CCDC85A: variants seen among roughly 807,000 people sequenced by gnomAD.
CCDC85A encodes the protein coiled-coil domain-containing protein 85A.
Under a neutral mutation model 50.2 loss-of-function variants are expected in CCDC85A, and 38 were observed. The observed-to-expected ratio is 0.76, with a 90% CI of 0.58 to 0.99. The LOEUF (loss-of-function observed/expected upper bound fraction) is 0.99. CCDC85A is among the 50% of genes least tolerant of loss of function. The pLI is 0.00. For synonymous variants in CCDC85A, 366 were observed against 301.4 expected, an observed-to-expected ratio of 1.21 and a Z score of -2.22; for missense variants, 820 against 742.0, an observed-to-expected ratio of 1.11 and a Z score of -1.22.
chr2:56,222,130 A>G (rs1178513344), intron 2 of CCDC85A, among the ~76,000 whole-genome samples: 2 of 152,122 alleles, frequency 1.3e-5, no homozygotes, highest in East Asian at 1.9e-4. Flanking sequence ...TTCCCAACAC[A>G]TGAACTATGG....
At chr2:56,207,470 A>C (rs1457842187) in intron 2 of CCDC85A, among the ~76,000 whole-genome samples, 3 of 152,172 alleles carry the variant, frequency 2.0e-5, no homozygotes, top group African/African-American at 7.2e-5. Context: ...ACACCAAAAG[A>C]AGCAAACATT....
intron 2 of CCDC85A, among the ~76,000 whole-genome samples, chr2:56,289,059 G>T (rs1252648001): frequency 3.9e-5 from 6 of 152,140 alleles, no homozygotes; most frequent in Non-Finnish European, 7.4e-5. Flanking sequence ...TGCTGACCCG[G>T]GTTCCAGGGT....
In CCDC85A at chr2:56,307,347, CTG is replaced by C. The variant is rs575644178; in HGVS notation, c.1241-35528_1241-35527del. ...CATATATGCTTTTTTTAAAAAAAAACTGTGTTCAAGTCCCAGTACAATCAGGT... is the reference window on the plus strand; with the variant it reads ...CATATATGCTTTTTTTAAAAAAAAACTGTTCAAGTCCCAGTACAATCAGGT... On this transcript the variant is annotated intron_variant, in intron 2 of 5. Coordinates refer to ENST00000407595, the MANE Select transcript of CCDC85A (RefSeq NM_001080433.2). Among the ~76,000 whole-genome samples, 62 of 151,776 alleles carry C rather than the reference CTG, an allele frequency of 4.1e-4. 1 individual carries two copies. Among genetic ancestry groups the C allele is most frequent in the Admixed American group, 9.2e-4 (14 of 15,232 alleles).
Position 56,386,046 on chromosome 2 carries a change from C to G in CCDC85A, c.*1691C>G, listed in dbSNP as rs1676804846. 6.6e-6 allele frequency: 1 copy of G among 152,146 alleles called. No individual in the cohort carries two copies. Among genetic ancestry groups the G allele is most frequent in the Admixed American group, 6.6e-5 (1 of 15,190 alleles). The allele number at this position is 152,146 out of a possible 1,614,324, so 9.4% of individuals were successfully genotyped here. On this transcript the variant is annotated 3_prime_UTR_variant, in exon 6 of 6. Transcript: ENST00000407595. ...AGAAGCTAATACAAGGGACACTGGT[C>G]TTTTGACAAAATAAACTTGTGTAAA...
intron 2 of CCDC85A, among the ~76,000 whole-genome samples, chr2:56,275,902 T>A (rs2104082084): frequency 6.6e-6 from 1 of 152,270 alleles, no homozygotes; most frequent in East Asian, 1.9e-4. Flanking sequence ...TGACCTTTTG[T>A]TTTGGTATTT....
chr2:56,319,918 C>T (rs1673091791), intron 2 of CCDC85A, among the ~76,000 whole-genome samples: 1 of 152,122 alleles, frequency 6.6e-6, no homozygotes, highest in Admixed American at 6.6e-5. Flanking sequence ...TGTAAAAGAA[C>T]AGAAATTATA....
At chr2:56,291,168 T>A (rs1671686693) in intron 2 of CCDC85A, among the ~76,000 whole-genome samples, 1 of 152,214 alleles carries the variant, frequency 6.6e-6, no homozygotes, top group Non-Finnish European at 1.5e-5. Context: ...ACACGTAGAA[T>A]AATGAGAGAA....
chr2:56,306,173 A>C (rs1010777486), intron 2 of CCDC85A, among the ~76,000 whole-genome samples: 2 of 152,098 alleles, frequency 1.3e-5, no homozygotes, highest in Admixed American at 6.6e-5. Flanking sequence ...CTTGTCGCCC[A>C]GGCTGGAGTG....
intron 2 of CCDC85A, among the ~76,000 whole-genome samples, chr2:56,307,974 T>A (rs542976050): frequency 6.6e-6 from 1 of 152,190 alleles, no homozygotes; most frequent in Non-Finnish European, 1.5e-5. Context: ...AGTAAACACT[T>A]AAGTGTCTTT....
At chr2:56,353,187 A>T (rs913380118) in intron 3 of CCDC85A, among the ~76,000 whole-genome samples, 2 of 152,216 alleles carry the variant, frequency 1.3e-5, no homozygotes, top group African/African-American at 4.8e-5. Flanking sequence ...ACAGTCATGG[A>T]CATGTATGTT....
At chr2:56,243,029 G>T (rs1304177959) in intron 2 of CCDC85A, among the ~76,000 whole-genome samples, 2 of 150,306 alleles carry the variant, frequency 1.3e-5, no homozygotes, top group African/African-American at 2.4e-5. Context: ...TTTCTGTGTT[G>T]TTTTTTTTTC....
intron 2 of CCDC85A, among the ~76,000 whole-genome samples, chr2:56,336,877 A>C (rs1674100317): frequency 6.6e-6 from 1 of 152,214 alleles, no homozygotes; most frequent in Admixed American, 6.5e-5. Context: ...AGAATATCTA[A>C]AGTCAGGGAG....
intron 2 of CCDC85A, among the ~76,000 whole-genome samples, chr2:56,308,975 G>A (rs1341360814): frequency 1.3e-5 from 2 of 152,184 alleles, no homozygotes; most frequent in Non-Finnish European, 2.9e-5. Context: ...CTGTTTTGGA[G>A]GAAGGGAGAT....
At chr2:56,270,463 A>G (rs1249019267) in intron 2 of CCDC85A, among the ~76,000 whole-genome samples, 1 of 152,124 alleles carries the variant, frequency 6.6e-6, no homozygotes, top group Non-Finnish European at 1.5e-5. Context: ...GTATCTTCAC[A>G]TTTTCATTTA....
intron 2 of CCDC85A, among the ~76,000 whole-genome samples, chr2:56,335,761 C>G (rs1333677836): frequency 6.6e-6 from 1 of 151,966 alleles, no homozygotes; most frequent in Non-Finnish European, 1.5e-5. Context: ...GCCACCACGC[C>G]AGGCTAATTT....
intron 2 of CCDC85A, among the ~76,000 whole-genome samples, chr2:56,328,731 C>A (rs917459736): frequency 6.6e-6 from 1 of 151,588 alleles, no homozygotes; most frequent in Non-Finnish European, 1.5e-5. Flanking sequence ...TCCCTTAATA[C>A]GTCACATCTA....
chr2:56,204,349 A>G (rs1020247268), intron 2 of CCDC85A, among the ~76,000 whole-genome samples: 8 of 152,204 alleles, frequency 5.3e-5, no homozygotes, highest in African/African-American at 1.7e-4. Context: ...AGATTCAACA[A>G]TGCAACAAAG....
intron 2 of CCDC85A, among the ~76,000 whole-genome samples, chr2:56,219,210 C>A (rs17047627): frequency 0.029 from 4,199 of 146,372 alleles, 199 homozygotes; most frequent in African/African-American, 0.1. Context: ...CTGCAGTGTG[C>A]TATGTGTTGC....
intron 2 of CCDC85A, among the ~76,000 whole-genome samples, chr2:56,309,899 G>C (rs2104221019): frequency 6.6e-6 from 1 of 152,274 alleles, no homozygotes; most frequent in Admixed American, 6.5e-5. Flanking sequence ...TGCATCTTAA[G>C]TGATTATAAT....
Sources: gnomAD v4.1 joint callset for allele counts (sites outside exome capture counted in the v4.1 genomes callset) on GRCh38, gnomAD v4.1.1 for gene constraint, MANE v1.5 for transcripts, NCBI Gene and HGNC (gene_info 2026-07-23, HGNC 2026-07-21) for gene names.